KCNJ6: variants seen among roughly 807,000 people sequenced by gnomAD.
The protein encoded by KCNJ6 is G protein-activated inward rectifier potassium channel 2.
In KCNJ6, 9 loss-of-function variants were observed where a neutral mutation model predicts 34.2. That is an observed-to-expected ratio of 0.26 (90% CI 0.16 to 0.46). The LOEUF (loss-of-function observed/expected upper bound fraction) is 0.46, where lower values mean the gene tolerates loss of function less well. KCNJ6 is among the 20% of genes least tolerant of loss of function. The pLI, the probability that KCNJ6 is intolerant of heterozygous loss-of-function variation, is 1.00. For synonymous variants in KCNJ6, 196 were observed against 207.1 expected (o/e 0.95, Z 0.46); for missense variants, 236 against 531.3 (o/e 0.44, Z 5.46).
At chr21:37,835,218 C>T (rs2055445882) in intron 2 of KCNJ6, among the ~76,000 whole-genome samples, 1 of 152,164 alleles carries the variant, frequency 6.6e-6, no homozygotes, top group African/African-American at 2.4e-5. Flanking sequence ...GGCAGACACA[C>T]AACTGATGCA....
intron 1 of KCNJ6, among the ~76,000 whole-genome samples, chr21:37,898,504 C>A (rs1247496954): frequency 6.6e-6 from 1 of 151,466 alleles, no homozygotes; most frequent in African/African-American, 2.4e-5. Flanking sequence ...ATAGCTAGAA[C>A]CCAGGAGGCG....
At chr21:37,642,786 G>C (rs1214070445) in intron 3 of KCNJ6, among the ~76,000 whole-genome samples, 1 of 152,116 alleles carries the variant, frequency 6.6e-6, no homozygotes. Context: ...GTGAGGCTGG[G>C]AGAAGGAAGT....
chr21:37,888,611 G>A (rs1156719171), intron 1 of KCNJ6, among the ~76,000 whole-genome samples: 1 of 152,220 alleles, frequency 6.6e-6, no homozygotes, highest in African/African-American at 2.4e-5. Flanking sequence ...ATAAAATTTG[G>A]CAAGGAGAGA....
intron 2 of KCNJ6, among the ~76,000 whole-genome samples, chr21:37,822,610 T>C (rs2055378769): frequency 1.3e-5 from 2 of 152,226 alleles, no homozygotes; most frequent in South Asian, 4.1e-4. Flanking sequence ...GGATGCTTTA[T>C]ATTGGGGTCT....
intron 3 of KCNJ6, among the ~76,000 whole-genome samples, chr21:37,655,179 TTGTGTGTGTGTGTG>T (rs369378573): frequency 0.015 from 367 of 23,856 alleles, 2 homozygotes; most frequent in Middle Eastern, 0.04. Context: ...CTCTAGACAT[TTGTGTGTGTGTGTG>T]TGTGTGTGTG....
chr21:37,833,198 G>T (rs1181690774), intron 2 of KCNJ6, among the ~76,000 whole-genome samples: 2 of 151,884 alleles, frequency 1.3e-5, no homozygotes, highest in African/African-American at 4.8e-5. Context: ...TATTTTTAGT[G>T]GAGACGGGGT....
intron 1 of KCNJ6, among the ~76,000 whole-genome samples, 177 bp downstream of exon 1, chr21:37,915,707 G>A (rs2055890134): frequency 6.6e-6 from 1 of 152,234 alleles, no homozygotes; most frequent in East Asian, 1.9e-4. Context: ...CTTCTGTTAT[G>A]TAACCGGCTT....
chr21:37,857,244 C>T (rs1802832932), intron 1 of KCNJ6, among the ~76,000 whole-genome samples: 2 of 152,148 alleles, frequency 1.3e-5, no homozygotes, highest in African/African-American at 2.4e-5. Context: ...TTGTTACATG[C>T]AGCAGAAATT....
intron 1 of KCNJ6, among the ~76,000 whole-genome samples, chr21:37,913,641 A>G (rs2055877778): frequency 6.6e-6 from 1 of 152,132 alleles, no homozygotes; most frequent in African/African-American, 2.4e-5. Flanking sequence ...AACATGGTGA[A>G]ACCCCGTCTC....
At chr21:37,783,404 G>A (rs572510055) in intron 2 of KCNJ6, among the ~76,000 whole-genome samples, 1 of 152,214 alleles carries the variant, frequency 6.6e-6, no homozygotes, top group South Asian at 2.1e-4. Flanking sequence ...TAAATCTCAC[G>A]AGATCTGATG....
chr21:37,822,271 C>T (rs2055376504), intron 2 of KCNJ6, among the ~76,000 whole-genome samples: 1 of 152,156 alleles, frequency 6.6e-6, no homozygotes, highest in Admixed American at 6.5e-5. Context: ...GTTTGATAGG[C>T]ACCTGTTGTC....
rs539986569 is a variant in KCNJ6 at position 37,809,100 on chromosome 21, C to T, written c.25+31558G>A. 2.1e-4 allele frequency among the ~76,000 whole-genome samples: 32 copies of T among 152,280 alleles called. 1 individual carries two copies. Among genetic ancestry groups the T allele is most frequent in the Admixed American group, 2.1e-3 (32 of 15,300 alleles). On this transcript the variant is annotated intron_variant, in intron 2 of 3. Coordinates refer to ENST00000609713, the MANE Select transcript of KCNJ6 (RefSeq NM_002240.5). The stretch of plus-strand genomic sequence containing the variant: ...CATATGTTTATTGCGGCACTATTCA[C>T]AATAGCAAAGGCTTGGAACCAACCC...
chr21:37,764,941 T>C (rs1225976819), intron 2 of KCNJ6, among the ~76,000 whole-genome samples: 1 of 152,154 alleles, frequency 6.6e-6, no homozygotes, highest in African/African-American at 2.4e-5. Context: ...AAACCTTCCT[T>C]CTCAGGGGGT....
At chr21:37,755,421 A>C (rs1378530477) in intron 2 of KCNJ6, among the ~76,000 whole-genome samples, 1 of 152,222 alleles carries the variant, frequency 6.6e-6, no homozygotes, top group Non-Finnish European at 1.5e-5. Context: ...AAGTCCTGCA[A>C]ATCTTCAAAT....
chr21:37,716,987 C>A (rs2054795119), intron 2 of KCNJ6: 1 of 154,356 alleles, frequency 6.5e-6, no homozygotes, highest in Admixed American at 6.5e-5. Context: ...TCTCCACAAA[C>A]CATCATTTAT....
At chr21:37,911,024 G>C (rs889061072) in intron 1 of KCNJ6, among the ~76,000 whole-genome samples, 15 of 152,074 alleles carry the variant, frequency 9.9e-5, no homozygotes, top group Non-Finnish European at 1.6e-4. Context: ...GTTTAGAGAG[G>C]ATACAGACTC....
chr21:37,902,508 T>C (rs768631929), intron 1 of KCNJ6, among the ~76,000 whole-genome samples: 1 of 152,242 alleles, frequency 6.6e-6, no homozygotes, highest in Non-Finnish European at 1.5e-5. Context: ...TTTCCAAAGA[T>C]AACTATTTTC....
intron 1 of KCNJ6, among the ~76,000 whole-genome samples, chr21:37,886,943 T>C (rs1442945118): frequency 6.6e-6 from 1 of 151,796 alleles, no homozygotes; most frequent in East Asian, 1.9e-4. Flanking sequence ...TTTTTTTTTT[T>C]TTTTTTCTTT....
intron 2 of KCNJ6, among the ~76,000 whole-genome samples, chr21:37,736,181 C>T (rs1467048728): frequency 2.5e-5 from 3 of 118,290 alleles, no homozygotes; most frequent in South Asian, 3.0e-4. Flanking sequence ...TCCTGTGTAC[C>T]GAGCCCTGTG....
Sources: allele counts gnomAD v4.1 joint callset (sites outside exome capture counted in the v4.1 genomes callset), GRCh38; gene constraint gnomAD v4.1.1; transcripts MANE v1.5; gene names NCBI Gene and HGNC (gene_info 2026-07-23, HGNC 2026-07-21).